LITAF: variants seen among roughly 807,000 people sequenced by gnomAD.
LITAF encodes the protein lipopolysaccharide-induced tumor necrosis factor-alpha factor.
LITAF carries 9 observed loss-of-function variants against 14.5 expected under a neutral mutation model. The ratio of observed to expected loss-of-function variants is 0.62; its 90% CI spans 0.37 to 1.08. The LOEUF is 1.08. Ranked by LOEUF, LITAF falls within the 50% of genes least tolerant of loss-of-function variation. The pLI is 0.01. For missense variants in LITAF, 206 were observed against 213.4 expected, an observed-to-expected ratio of 0.97 and a Z score of 0.22; for synonymous variants, 98 against 88.2, an observed-to-expected ratio of 1.11 and a Z score of -0.62.
At chr16:11,596,290 C>T (rs928894298) in intron 1 of LITAF, among the ~76,000 whole-genome samples, 23 of 151,908 alleles carry the variant, frequency 1.5e-4, no homozygotes, top group Non-Finnish European at 5.9e-5. Context: ...CCCTGTAAAC[C>T]GCAGGAAGAG....
At chr16:11,564,851 G>A (rs1020953456) in intron 1 of LITAF, among the ~76,000 whole-genome samples, 2 of 152,078 alleles carry the variant, frequency 1.3e-5, no homozygotes, top group Non-Finnish European at 2.9e-5. Context: ...TGAATTCATA[G>A]AGATACAAAG....
chr16:11,574,401 C>T (rs746794679), intron 1 of LITAF, among the ~76,000 whole-genome samples: 1 of 152,076 alleles, frequency 6.6e-6, no homozygotes, highest in African/African-American at 2.4e-5. Flanking sequence ...AGAAACTTAA[C>T]GGTCGGTGTT....
At chr16:11,592,758 G>A (rs4780390) in intron 1 of LITAF, among the ~76,000 whole-genome samples, 63,921 of 151,920 alleles carry the variant, frequency 0.42, 14,576 homozygotes, top group African/African-American at 0.6. Flanking sequence ...ATTTGGGGTC[G>A]GGCACGGTGG....
chr16:11,637,974 C>A (rs201322669), upstream of LITAF, among the ~76,000 whole-genome samples: 18 of 31,612 alleles, frequency 5.7e-4, no homozygotes, highest in South Asian at 8.0e-4. Flanking sequence ...ATCTATATAT[C>A]TATATATATC....
upstream of LITAF, among the ~76,000 whole-genome samples, chr16:11,602,287 C>T (rs535480712): frequency 2.0e-5 from 3 of 152,144 alleles, no homozygotes; most frequent in South Asian, 6.2e-4. Context: ...GCCCGGGAGG[C>T]GGAGGTTACA....
chr16:11,606,042 A>G (rs2064953565), intron 3 of LITAF, among the ~76,000 whole-genome samples: 1 of 152,148 alleles, frequency 6.6e-6, no homozygotes, highest in Admixed American at 6.5e-5. Context: ...ATTGTGGGCT[A>G]TTGCTATCAG....
Position 11,553,436 on chromosome 16 carries a change from C to T in LITAF, c.377+97G>A. Reference sequence around the variant, plus strand: ...AAAAAAAAACAACACAAATGTCTGGCCCTGAATGTCAAGCATGGTGCAGTT... The same window carrying T: ...AAAAAAAAACAACACAAATGTCTGGTCCTGAATGTCAAGCATGGTGCAGTT... On this transcript the variant is annotated intron_variant, in intron 3 of 3. Transcript: ENST00000622633. The surrounding 1 kb of genome is among the most constrained non-coding windows in gnomAD (Gnocchi z 7.7). The T allele has an allele frequency of 7.7e-7, 1 of 1,302,894 alleles. No homozygotes were observed. Among genetic ancestry groups the T allele is most frequent in the Non-Finnish European group, 1.1e-6 (1 of 920,732 alleles). 80.7% of individuals were successfully genotyped at this position (1,302,894 alleles called of 1,614,324 possible).
intron 1 of LITAF, among the ~76,000 whole-genome samples, chr16:11,571,563 A>G (rs2064541575): frequency 6.6e-6 from 1 of 152,178 alleles, no homozygotes; most frequent in Non-Finnish European, 1.5e-5. Flanking sequence ...CCCCTCCCAC[A>G]GCAGGGGGCA....
chr16:11,610,891 A>T (rs2064978871), intron 3 of LITAF, among the ~76,000 whole-genome samples: 1 of 152,104 alleles, frequency 6.6e-6, no homozygotes, highest in South Asian at 2.1e-4. Flanking sequence ...CAATTTGTAC[A>T]TGGAAGACGG....
At chr16:11,581,971 A>T (rs2064744297) in intron 1 of LITAF, among the ~76,000 whole-genome samples, 1 of 152,202 alleles carries the variant, frequency 6.6e-6, no homozygotes, top group African/African-American at 2.4e-5. Context: ...AGGTTGGTTG[A>T]TAGGTACAAA....
At position 11,634,448 on chromosome 16, in the gene LITAF, T is replaced by C. The variant is rs746400789; in HGVS notation, c.-20-811A>G. Reference sequence around the variant, plus strand: ...GAGAAAGCTAAATTCTGCTAAGGTGTAGACATACATGATTACCAGCCATTA... The same window carrying C: ...GAGAAAGCTAAATTCTGCTAAGGTGCAGACATACATGATTACCAGCCATTA... On this transcript the variant is annotated intron_variant, in intron 2 of 3. Coordinates refer to the LITAF transcript ENST00000574848. This position sits in a 1 kb window ranked among gnomAD's most constrained non-coding sequence, Gnocchi z 4.1. 1.5e-4 allele frequency among the ~76,000 whole-genome samples: 23 copies of C among 152,166 alleles called. No individual in the cohort carries two copies. Among genetic ancestry groups the C allele is most frequent in the Non-Finnish European group, 3.1e-4 (21 of 68,040 alleles).
intron 3 of LITAF, among the ~76,000 whole-genome samples, chr16:11,622,663 G>A (rs779423361): frequency 6.6e-6 from 1 of 152,180 alleles, no homozygotes; most frequent in Non-Finnish European, 1.5e-5. Flanking sequence ...TTTTCAGAAT[G>A]TAAATTAAGA....
At position 11,558,324 on chromosome 16, in the gene LITAF, C is replaced by G. The variant is rs575652185; in HGVS notation, c.-5-1589G>C. On this transcript the variant is annotated intron_variant, in intron 1 of 3. Coordinates refer to ENST00000622633, the MANE Select transcript of LITAF (RefSeq NM_001136472.2). This position sits in a 1 kb window ranked among gnomAD's most constrained non-coding sequence, Gnocchi z 4.1. ...CGGTGGCTCACCTGTAATCCCAGCA[C>G]TCTGTGGAGCCGAGGTGGCAGGATA... Among the ~76,000 whole-genome samples the G allele has an allele frequency of 4.2e-4, 64 of 152,284 alleles. No homozygotes were observed. Among genetic ancestry groups the G allele is most frequent in the African/African-American group, 1.5e-3 (62 of 41,562 alleles).
Position 11,626,900 on chromosome 16 carries a change from T to C in LITAF, c.85+6633A>G, listed in dbSNP as rs562257998. On this transcript the variant is annotated intron_variant, in intron 3 of 3. Transcript: ENST00000574848. ...CTCTGTCGCTCAGGATGGAGTGCAGTGGCACGATCTTGGCTCACTGCAGCC... is the reference window on the plus strand; with the variant it reads ...CTCTGTCGCTCAGGATGGAGTGCAGCGGCACGATCTTGGCTCACTGCAGCC... Among the ~76,000 whole-genome samples the C allele has an allele frequency of 2.0e-5, 3 of 152,148 alleles. No homozygotes were observed. In the East Asian group the frequency reaches 5.8e-4, roughly 29 times the overall value.
chr16:11,615,968 C>A (rs2065017211), intron 3 of LITAF, among the ~76,000 whole-genome samples: 1 of 152,176 alleles, frequency 6.6e-6, no homozygotes, highest in South Asian at 2.1e-4. Flanking sequence ...GGTCCAATCA[C>A]CAATGGCCAT....
intron 1 of LITAF, among the ~76,000 whole-genome samples, chr16:11,563,804 G>A (rs1372632919): frequency 6.6e-6 from 1 of 152,002 alleles, no homozygotes; most frequent in African/African-American, 2.4e-5. Flanking sequence ...CTGGAGGCAG[G>A]GTGCCCAAAG....
At chr16:11,618,776 A>G (rs2065032217) in intron 3 of LITAF, among the ~76,000 whole-genome samples, 1 of 151,890 alleles carries the variant, frequency 6.6e-6, no homozygotes, top group African/African-American at 2.4e-5. Context: ...CGAGGTCAGG[A>G]GTTCGAGTTC....
intron 3 of LITAF, among the ~76,000 whole-genome samples, chr16:11,550,927 A>G (rs1048846098): frequency 6.6e-6 from 1 of 152,198 alleles, no homozygotes; most frequent in African/African-American, 2.4e-5. Context: ...AACTTAAAAC[A>G]GGCGCCTGGC....
At chr16:11,566,764 C>T (rs996961694) in intron 1 of LITAF, among the ~76,000 whole-genome samples, 2 of 148,058 alleles carry the variant, frequency 1.4e-5, no homozygotes, top group Admixed American at 6.8e-5. Flanking sequence ...GGTAGGGGGG[C>T]GCATGGACAG....
Sources: gnomAD v4.1 joint callset for allele counts (sites outside exome capture counted in the v4.1 genomes callset) on GRCh38, gnomAD v4.1.1 for gene constraint, Gnocchi (gnomAD v3.1) non-coding constraint, MANE v1.5 for transcripts, NCBI Gene and HGNC (gene_info 2026-07-23, HGNC 2026-07-21) for gene names.